The following NAALADL2 variants were observed in gnomAD, a reference collection of about 807,000 sequenced individuals.
NAALADL2 encodes inactive N-acetylated-alpha-linked acidic dipeptidase-like protein 2.
NAALADL2 carries 76 observed loss-of-function variants against 87.2 expected under a neutral mutation model. That is an observed-to-expected ratio of 0.87 (90% CI 0.72 to 1.05). The LOEUF (loss-of-function observed/expected upper bound fraction) is 1.05. NAALADL2 is among the 50% of genes least tolerant of loss of function. The probability of loss-of-function intolerance (pLI) is 0.00; values close to 1 mark genes in which losing one functional copy is unlikely to be tolerated. For synonymous variants in NAALADL2, 354 were observed against 331.0 expected, an observed-to-expected ratio of 1.07 and a Z score of -0.75; for missense variants, 1,089 against 945.8, an observed-to-expected ratio of 1.15 and a Z score of -1.99.
intron 1 of NAALADL2, among the ~76,000 whole-genome samples, chr3:174,921,757 A>G (rs1237354477): frequency 1.4e-5 from 2 of 141,274 alleles, no homozygotes; most frequent in Non-Finnish European, 3.0e-5. Context: ...GTAAGCCGAG[A>G]TTGTGCCGTT....
intron 1 of NAALADL2, among the ~76,000 whole-genome samples, chr3:174,507,937 A>G (rs1424491911): frequency 6.6e-6 from 1 of 152,080 alleles, no homozygotes; most frequent in Non-Finnish European, 1.5e-5. Context: ...GATGAGTTGA[A>G]GTAAGTATAT....
intron 13 of NAALADL2, among the ~76,000 whole-genome samples, chr3:175,783,725 A>G (rs1751488801): frequency 1.3e-5 from 2 of 151,004 alleles, no homozygotes; most frequent in Admixed American, 6.6e-5. Context: ...CCTGGCCAGA[A>G]CTTCCAACAC....
chr3:175,138,604 TTTATTA>T (rs372069779), intron 2 of NAALADL2, among the ~76,000 whole-genome samples: 3 of 149,672 alleles, frequency 2.0e-5, no homozygotes, highest in African/African-American at 4.9e-5. Flanking sequence ...TTACAGAGTA[TTTATTA>T]TTATTATTAT....
intron 11 of NAALADL2, among the ~76,000 whole-genome samples, chr3:175,685,792 A>G (rs1031581344): frequency 6.6e-6 from 1 of 152,154 alleles, no homozygotes; most frequent in African/African-American, 2.4e-5. Context: ...TTGGTTACGA[A>G]AGAATTCTTA....
At chr3:175,373,909 G>T (rs112423320) in intron 5 of NAALADL2, among the ~76,000 whole-genome samples, 28 of 152,190 alleles carry the variant, frequency 1.8e-4, no homozygotes, top group African/African-American at 6.7e-4. Context: ...GATAACAAAT[G>T]ATTTTGAGCA....
Position 175,804,104 on chromosome 3 carries a change from G to A in NAALADL2, c.*901G>A, listed in dbSNP as rs1344926763. 2.0e-5 allele frequency: 3 copies of A among 151,806 alleles called. No homozygotes were observed. The highest frequency in any genetic ancestry group is 6.6e-5 in the Admixed American group (1 of 15,194). The allele number at this position is 151,806 out of a possible 1,614,324, so 9.4% of individuals were successfully genotyped here. On this transcript the variant is annotated 3_prime_UTR_variant, in exon 14 of 14. Transcript: ENST00000454872. Reference sequence around the variant, plus strand: ...TCCTTGCTGTAAGGCAGCTTTCTCAGAGTACTATATATTTTCAACAGTAAA... The same window carrying A: ...TCCTTGCTGTAAGGCAGCTTTCTCAAAGTACTATATATTTTCAACAGTAAA...
intron 1 of NAALADL2, among the ~76,000 whole-genome samples, chr3:174,961,701 G>A (rs1742024914): frequency 6.6e-6 from 1 of 152,022 alleles, no homozygotes; most frequent in Non-Finnish European, 1.5e-5. Context: ...AGCCATTTGA[G>A]GGGAGTAGAA....
chr3:175,141,615 T>G (rs1050155594), intron 2 of NAALADL2, among the ~76,000 whole-genome samples: 1 of 152,078 alleles, frequency 6.6e-6, no homozygotes, highest in Non-Finnish European at 1.5e-5. Context: ...CATAAGAAAG[T>G]ACAGCAAAGC....
At chr3:174,710,171 C>T (rs942839086) in intron 2 of NAALADL2, among the ~76,000 whole-genome samples, 5 of 150,154 alleles carry the variant, frequency 3.3e-5, no homozygotes, top group African/African-American at 1.2e-4. Context: ...GATCTCAAAT[C>T]AGTTGACCTT....
intron 11 of NAALADL2, among the ~76,000 whole-genome samples, chr3:175,651,193 C>G (rs972664850): frequency 6.6e-6 from 1 of 151,972 alleles, no homozygotes; most frequent in African/African-American, 2.4e-5. Context: ...TGGGATTTCT[C>G]TGAATAATTG....
chr3:174,961,107 CAT>C (rs1401467584), intron 1 of NAALADL2, among the ~76,000 whole-genome samples: 1 of 147,228 alleles, frequency 6.8e-6, no homozygotes, highest in African/African-American at 2.5e-5. Flanking sequence ...TAATATATAA[CAT>C]AATGATATAT....
At chr3:175,753,351 AC>A (rs1746847636) in intron 12 of NAALADL2, among the ~76,000 whole-genome samples, 2 of 152,130 alleles carry the variant, frequency 1.3e-5, no homozygotes, top group South Asian at 4.1e-4. Flanking sequence ...CCCTTATAAA[AC>A]TACTTATCTC....
chr3:174,815,542 C>T (rs1405311841), intron 3 of NAALADL2, among the ~76,000 whole-genome samples: 1 of 152,194 alleles, frequency 6.6e-6, no homozygotes, highest in Admixed American at 6.5e-5. Flanking sequence ...GATCCTGCTG[C>T]CTCAGCCTCT....
intron 2 of NAALADL2, among the ~76,000 whole-genome samples, chr3:174,726,179 G>A (rs539656583): frequency 2.0e-5 from 3 of 152,158 alleles, no homozygotes; most frequent in South Asian, 4.1e-4. Context: ...AGGAAAAGGC[G>A]GGCCTCTGTA....
intron 2 of NAALADL2, among the ~76,000 whole-genome samples, chr3:174,649,443 T>C (rs1724138076): frequency 6.6e-6 from 1 of 152,194 alleles, no homozygotes; most frequent in Non-Finnish European, 1.5e-5. Context: ...ATTACATCCT[T>C]ATGCATAACA....
At position 174,740,698 on chromosome 3, in the gene NAALADL2, AAGTAT is replaced by A. The variant is rs1486506912; in HGVS notation, c.-9+2954_-9+2958del. Among the ~76,000 whole-genome samples, 6 of 151,996 alleles carry A rather than the reference AAGTAT, an allele frequency of 3.9e-5. No individual in the cohort carries two copies. The East Asian group carries it at 1.2e-3, about 29-fold the overall frequency. On this transcript the variant is annotated intron_variant, in intron 3 of 3. Coordinates refer to the NAALADL2 transcript ENST00000434257. ...TAACGGTAAAAATTTAGCCATAGCTAAGTATAATCTAAGCAAAATTTTCTGGTCAA... is the reference window on the plus strand; with the variant it reads ...TAACGGTAAAAATTTAGCCATAGCTAAATCTAAGCAAAATTTTCTGGTCAA...
At chr3:174,906,190 GAAAC>G (rs1732934445) in intron 1 of NAALADL2, among the ~76,000 whole-genome samples, 1 of 152,000 alleles carries the variant, frequency 6.6e-6, no homozygotes, top group Admixed American at 6.6e-5. Context: ...AACTATAAAA[GAAAC>G]AAGAAGGTTT....
chr3:175,550,164 A>C (rs1430945064), intron 9 of NAALADL2, among the ~76,000 whole-genome samples: 1 of 152,146 alleles, frequency 6.6e-6, no homozygotes, highest in African/African-American at 2.4e-5. Flanking sequence ...GGAAGTTAAC[A>C]GACAGCCACT....
At chr3:174,740,842 T>C (rs117416270) in intron 3 of NAALADL2, among the ~76,000 whole-genome samples, 2 of 151,962 alleles carry the variant, frequency 1.3e-5, no homozygotes, top group East Asian at 3.9e-4. Context: ...GCCAGAGATT[T>C]TCTAACACTT....
Sources: allele counts gnomAD v4.1 joint callset (sites outside exome capture counted in the v4.1 genomes callset), GRCh38; gene constraint gnomAD v4.1.1; transcripts MANE v1.5; gene names NCBI Gene and HGNC (gene_info 2026-07-23, HGNC 2026-07-21).